AP1B1: variants seen among roughly 807,000 people sequenced by gnomAD.
The protein encoded by AP1B1 is adaptor related protein complex 1 subunit beta 1.
A neutral mutation model predicts 104.3 loss-of-function variants in AP1B1; 36 were observed. That is an observed-to-expected ratio of 0.35 (90% CI 0.26 to 0.46). The LOEUF is 0.46. AP1B1 is among the 20% of genes least tolerant of loss of function. The probability of loss-of-function intolerance (pLI) is 1.00; values close to 1 mark genes in which losing one functional copy is unlikely to be tolerated. For missense variants in AP1B1, 901 were observed against 1,247.9 expected, an observed-to-expected ratio of 0.72 and a Z score of 4.19; for synonymous variants, 504 against 517.5, an observed-to-expected ratio of 0.97 and a Z score of 0.35.
At chr22:29,387,987 G>C (rs1175405292) in intron 1 of AP1B1, among the ~76,000 whole-genome samples, 5 of 152,206 alleles carry the variant, frequency 3.3e-5, no homozygotes, top group Non-Finnish European at 7.3e-5. Context: ...TGCCTAGCCG[G>C]AGGCGGGCGG....
chr22:29,348,370 T>C (rs1331719241), intron 11 of AP1B1, among the ~76,000 whole-genome samples: 2 of 152,242 alleles, frequency 1.3e-5, no homozygotes, highest in East Asian at 3.8e-4. Context: ...TTTGAGCTTT[T>C]TGTTGATTTC....
chr22:29,351,381 C>T lies in AP1B1; in HGVS notation c.1060-115G>A, dbSNP rs745932334. On this transcript the variant is annotated intron_variant, in intron 8 of 22. Transcript: ENST00000357586. ...TAGGAGAATGGGATTCTGCCTCCTG[C>T]TCCAGGTAGAAGGCCCAAGGGAGAG... 4.8e-6 allele frequency: 6 copies of T among 1,238,308 alleles called. No homozygotes were observed. In the African/African-American group the frequency reaches 8.9e-5, roughly 18 times the overall value. 76.7% of individuals were successfully genotyped at this position (1,238,308 alleles called of 1,614,324 possible).
chr22:29,355,220 G>C (rs1485338019), intron 6 of AP1B1, among the ~76,000 whole-genome samples: 2 of 151,722 alleles, frequency 1.3e-5, no homozygotes, highest in African/African-American at 2.4e-5. Context: ...CTGGGCAACA[G>C]AGTGAGACCC....
Position 29,354,756 on chromosome 22 carries a change from C to G in AP1B1, c.832G>C (p.Gly278Arg). The G allele has an allele frequency of 6.2e-7, 1 of 1,614,008 alleles. No individual in the cohort carries two copies. Among genetic ancestry groups the G allele is most frequent in the Non-Finnish European group, 8.5e-7 (1 of 1,180,016 alleles). The change falls in exon 7 of 23, where the codon GGC (glycine) becomes CGC (arginine). Residue 278 changes from glycine (G) to arginine (R), a missense_variant. Around this residue, in one of 3 missense-constraint regions of AP1B1, gnomAD observed 471 missense variants for 696.7 expected, o/e 0.68. Transcript: ENST00000357586. ...GGGGCCAGCTTCTTGAGCAGTGTGC[C>G]GTAGTAGTCCAAGTCCTTAGACAAC... Reference protein sequence around the residue: ...EMLSKDLDYYGTLLKKLAPPL... With the variant: ...EMLSKDLDYYRTLLKKLAPPL...
intron 1 of AP1B1, among the ~76,000 whole-genome samples, chr22:29,375,793 C>G (rs1425098540): frequency 6.6e-6 from 1 of 152,204 alleles, no homozygotes; most frequent in Non-Finnish European, 1.5e-5. Context: ...AAGTCCCTCT[C>G]TACTCTTAAA....
chr22:29,360,063 A>G, intron 3 of AP1B1, 104 bp from the exon 4 acceptor site: 2 of 1,310,780 alleles, frequency 1.5e-6, no homozygotes, highest in Non-Finnish European at 2.1e-6. Context: ...TAGGAGAGAA[A>G]GGAGAGACAC....
At chr22:29,333,225 G>T in intron 17 of AP1B1, 1 of 154,918 alleles carries the variant, frequency 6.5e-6, no homozygotes. Context: ...AGCGTGCTCA[G>T]GAAGAAGAAT....
At chr22:29,362,667 A>C (rs2062069977) in intron 3 of AP1B1, among the ~76,000 whole-genome samples, 1 of 151,990 alleles carries the variant, frequency 6.6e-6, no homozygotes, top group Non-Finnish European at 1.5e-5. Context: ...TCTTTTAAAA[A>C]CCAGAAGACC....
Position 29,331,357 on chromosome 22 carries a change from T to TCC in AP1B1, c.2524+90_2524+91dup, listed in dbSNP as rs531360977. ...CCGACTCCATTTACGGGCAAGGCAGTCCATCTGGACCTTGGTAAAGGCACC... is the reference window on the plus strand; with the variant it reads ...CCGACTCCATTTACGGGCAAGGCAGTCCCCATCTGGACCTTGGTAAAGGCACC... On this transcript the variant is annotated intron_variant, in intron 19 of 22. Coordinates refer to ENST00000357586, the MANE Select transcript of AP1B1 (RefSeq NM_001127.4). 95 of 1,244,218 alleles carry TCC rather than the reference T, an allele frequency of 7.6e-5. No individual in the cohort carries two copies. In the African/African-American group the frequency reaches 1.2e-3, roughly 15 times the overall value. 77.1% of individuals were successfully genotyped at this position (1,244,218 alleles called of 1,614,324 possible).
intron 22 of AP1B1, 131 bp from the exon 23 acceptor site, chr22:29,329,026 C>T (rs1488980552): frequency 1.2e-5 from 17 of 1,476,748 alleles, no homozygotes; most frequent in South Asian, 2.7e-5. Context: ...GGCAGCTGCG[C>T]CTGGCACAGA....
Position 29,356,598 on chromosome 22 carries a change from C to T in AP1B1, c.544G>A (p.Ala182Thr), listed in dbSNP as rs2061962049. Reference protein sequence around the residue: ...SNPMVVANAVAALSEIAESHP... With the variant: ...SNPMVVANAVTALSEIAESHP... ...GACTCGGCAATTTCTGAGAGCGCTG[C>T]CACTGCATTGGCCACCACCTGGTTG... is the stretch of plus-strand genomic sequence containing the variant. The change falls in exon 6 of 23, where the codon GCA becomes ACA. Residue 182 changes from alanine (A) to threonine (T), a missense_variant. Ala to Thr is a moderately conservative substitution (Grantham distance 58, BLOSUM62 0). This residue lies in a region of AP1B1 where 471 missense variants were observed against 696.7 expected (regional missense o/e 0.68). Coordinates refer to ENST00000357586, the MANE Select transcript of AP1B1 (RefSeq NM_001127.4). 1 of 1,614,006 alleles carries T rather than the reference C, an allele frequency of 6.2e-7. No individual in the cohort carries two copies. Among genetic ancestry groups the T allele is most frequent in the Non-Finnish European group, 8.5e-7 (1 of 1,179,964 alleles).
intron 3 of AP1B1, among the ~76,000 whole-genome samples, chr22:29,361,122 G>C (rs2062039006): frequency 6.6e-6 from 1 of 152,278 alleles, no homozygotes; most frequent in Admixed American, 6.5e-5. Context: ...GGAGGTGACA[G>C]TGGTGTGCTG....
chr22:29,329,276 T>A, intron 22 of AP1B1: 1 of 1,144,990 alleles, frequency 8.7e-7, no homozygotes. Context: ...CCCGAGGGGG[T>A]GCGGAGGGCT....
At chr22:29,342,512 G>C in intron 11 of AP1B1, 129 bp from the exon 12 acceptor site, 7 of 725,484 alleles carry the variant, frequency 9.6e-6, no homozygotes, top group Non-Finnish European at 1.4e-5. Context: ...TCTAGGTTTG[G>C]GGCTGTCACG....
chr22:29,373,965 A>AG (rs538570492), intron 1 of AP1B1, among the ~76,000 whole-genome samples: 45,483 of 150,014 alleles, frequency 0.3, 7,414 homozygotes, highest in East Asian at 0.66. Context: ...TGGGAGGCTG[A>AG]GGGGGGTGGA....
At chr22:29,375,349 CAAAAAAAAAAAAAAAA>C (rs547697174) in intron 1 of AP1B1, among the ~76,000 whole-genome samples, 1 of 57,358 alleles carries the variant, frequency 1.7e-5, no homozygotes, top group African/African-American at 6.4e-5. Flanking sequence ...GATTCCATCA[CAAAAAAAAAAAAAAAA>C]AAAAAAAAAA....
chr22:29,379,182 A>C (rs1024034846), intron 1 of AP1B1, among the ~76,000 whole-genome samples: 8 of 152,158 alleles, frequency 5.3e-5, no homozygotes, highest in Admixed American at 2.6e-4. Flanking sequence ...GGCGAAACCT[A>C]TCTCTACTAA....
chr22:29,357,487 TC>T (rs2061977227), intron 5 of AP1B1, among the ~76,000 whole-genome samples: 1 of 152,042 alleles, frequency 6.6e-6, no homozygotes, highest in African/African-American at 2.4e-5. Context: ...TGCCTCAGCC[TC>T]CCAGGTAGCT....
At chr22:29,388,015 GT>G (rs1000115030) in intron 1 of AP1B1, among the ~76,000 whole-genome samples, 5 of 151,756 alleles carry the variant, frequency 3.3e-5, no homozygotes, top group South Asian at 2.1e-4. Flanking sequence ...CCGTTTTCTA[GT>G]TTTTTTTTCT....
Sources: allele counts gnomAD v4.1 joint callset (sites outside exome capture counted in the v4.1 genomes callset), GRCh38; gene constraint gnomAD v4.1.1; regional missense constraint gnomAD v4.1.1; transcripts MANE v1.5; gene names NCBI Gene and HGNC (gene_info 2026-07-23, HGNC 2026-07-21).